The following TMEM87A variants were observed in gnomAD, a reference collection of about 807,000 sequenced individuals.
The protein encoded by TMEM87A is Golgi-pH regulating cation channel.
Under a neutral mutation model 90.0 loss-of-function variants are expected in TMEM87A, and 50 were observed. The observed-to-expected ratio is 0.56, with a 90% CI of 0.44 to 0.70. TMEM87A has a LOEUF of 0.70. TMEM87A is among the 30% of genes least tolerant of loss of function. TMEM87A has a pLI of 0.00. For synonymous variants in TMEM87A, 226 were observed against 226.7 expected (o/e 1.00, Z 0.03); for missense variants, 577 against 660.5 (o/e 0.87, Z 1.39).
chr15:42,268,999 A>G (rs1166849978), intron 2 of TMEM87A, among the ~76,000 whole-genome samples: 2 of 152,222 alleles, frequency 1.3e-5, no homozygotes, highest in Non-Finnish European at 2.9e-5. Flanking sequence ...AAAAGCAAAG[A>G]TAAGAGTATC....
At chr15:42,248,009 T>G (rs915258397) in intron 6 of TMEM87A, among the ~76,000 whole-genome samples, 74 of 152,120 alleles carry the variant, frequency 4.9e-4, no homozygotes, top group African/African-American at 1.7e-3. Flanking sequence ...CACATCCCTT[T>G]TAAATTGGAT....
At chr15:42,264,699 A>ATATATATATATAT (rs10681614) in intron 3 of TMEM87A, among the ~76,000 whole-genome samples, 10 of 109,422 alleles carry the variant, frequency 9.1e-5, no homozygotes, top group African/African-American at 2.8e-4. Context: ...ATATATATAT[A>ATATATATATATAT]TTTTTTTTTT....
intron 6 of TMEM87A, among the ~76,000 whole-genome samples, chr15:42,249,078 G>C (rs145028085): frequency 2.0e-5 from 3 of 152,306 alleles, no homozygotes; most frequent in African/African-American, 7.2e-5. Flanking sequence ...GTGTGGAGAT[G>C]TTTATAGTAT....
intron 19 of TMEM87A, among the ~76,000 whole-genome samples, chr15:42,217,215 A>G (rs1315496007): frequency 1.3e-5 from 2 of 152,142 alleles, no homozygotes; most frequent in African/African-American, 4.8e-5. Context: ...AGGCCTCCCA[A>G]AGTGCTGGGA....
At chr15:42,255,768 G>C (rs1024372891) in intron 6 of TMEM87A, among the ~76,000 whole-genome samples, 4 of 151,078 alleles carry the variant, frequency 2.6e-5, no homozygotes, top group African/African-American at 4.9e-5. Flanking sequence ...TAAACATATA[G>C]ATTTTTGTTT....
At position 42,217,606 on chromosome 15, in the gene TMEM87A, A is replaced by G. The variant is rs2140912095; in HGVS notation, c.1626+197T>C. On this transcript the variant is annotated intron_variant, in intron 19 of 19. Transcript: ENST00000389834. ...TAACTTTGAAAGGTGAAACATGTATAGACAGATGCAAAGAAAGGAAGATTC... is the reference window on the plus strand; with the variant it reads ...TAACTTTGAAAGGTGAAACATGTATGGACAGATGCAAAGAAAGGAAGATTC... Among the ~76,000 whole-genome samples the G allele has an allele frequency of 2.0e-5, 3 of 152,340 alleles. 1 individual carries two copies. The highest frequency in any genetic ancestry group is 2.0e-4 in the Admixed American group (3 of 15,308).
intron 6 of TMEM87A, among the ~76,000 whole-genome samples, chr15:42,248,723 G>A (rs2140959701): frequency 6.6e-6 from 1 of 152,226 alleles, no homozygotes; most frequent in South Asian, 2.1e-4. Flanking sequence ...ATGTTCATCG[G>A]GGATAGTGGT....
chr15:42,245,636 T>C (rs977156559), intron 6 of TMEM87A, among the ~76,000 whole-genome samples: 8 of 150,850 alleles, frequency 5.3e-5, no homozygotes, highest in African/African-American at 2.0e-4. Context: ...GCAATTCTCC[T>C]GCCTCAGCCT....
intron 7 of TMEM87A, among the ~76,000 whole-genome samples, chr15:42,243,102 T>TA (rs2050901926): frequency 1.3e-5 from 2 of 151,628 alleles, no homozygotes; most frequent in Non-Finnish European, 2.9e-5. Context: ...CCGTCTCCAC[T>TA]AAAAAATACA....
chr15:42,235,460 C>T (rs1444718963), intron 10 of TMEM87A, among the ~76,000 whole-genome samples: 2 of 152,208 alleles, frequency 1.3e-5, no homozygotes, highest in Non-Finnish European at 2.9e-5. Flanking sequence ...CCCTGCTCCA[C>T]ACTTATTTCA....
At chr15:42,269,293 G>A (rs2051465895) in intron 2 of TMEM87A, among the ~76,000 whole-genome samples, 1 of 152,132 alleles carries the variant, frequency 6.6e-6, no homozygotes. Flanking sequence ...AAACATGACT[G>A]CATTTAGGAA....
chr15:42,211,231 C>T lies in TMEM87A; in HGVS notation c.*477G>A, dbSNP rs2050280827. ...CAAAACAACCTCTGCAAGATGTAAC[C>T]TTGACTTCCCAGGAAAATGAAAGGT... On this transcript the variant is annotated 3_prime_UTR_variant, in exon 20 of 20. Coordinates refer to ENST00000389834, the MANE Select transcript of TMEM87A (RefSeq NM_015497.5). 6.6e-6 allele frequency: 1 copy of T among 152,482 alleles called. No homozygotes were observed. The highest frequency in any genetic ancestry group is 2.4e-5 in the African/African-American group (1 of 41,266). The allele number at this position is 152,482 out of a possible 1,614,324, so 9.4% of individuals were successfully genotyped here.
Position 42,216,508 on chromosome 15 carries a change from A to C in TMEM87A, c.1626+1295T>G, listed in dbSNP as rs369020164. On this transcript the variant is annotated intron_variant, in intron 19 of 19. Transcript: ENST00000389834. ...ACTATAGCAAACTTGCATTCCCATG[A>C]AGGGCACAATCAGGTTTCAATTAAT... Among the ~76,000 whole-genome samples the C allele has an allele frequency of 3.3e-5, 5 of 152,218 alleles. No homozygotes were observed. In the South Asian group the frequency reaches 1.0e-3, roughly 32 times the overall value.
chr15:42,217,892 T>C lies in TMEM87A; in HGVS notation c.1596-59A>G, dbSNP rs1555404387. 2.0e-5 allele frequency: 31 copies of C among 1,524,446 alleles called. No individual in the cohort carries two copies. In the South Asian group the frequency reaches 3.0e-4, roughly 15 times the overall value. The allele number at this position is 1,524,446 out of a possible 1,614,324, so 94.4% of individuals were successfully genotyped here. Reference sequence around the variant, plus strand: ...GTAAAATAAAGCCATAAATGGTTCATAAAAGACAATGGAATAATGCAATTA... The same window carrying C: ...GTAAAATAAAGCCATAAATGGTTCACAAAAGACAATGGAATAATGCAATTA... On this transcript the variant is annotated intron_variant, in intron 18 of 19. Coordinates refer to ENST00000389834, the MANE Select transcript of TMEM87A (RefSeq NM_015497.5).
intron 6 of TMEM87A, among the ~76,000 whole-genome samples, chr15:42,250,736 G>T (rs1212212107): frequency 6.6e-6 from 1 of 152,074 alleles, no homozygotes; most frequent in African/African-American, 2.4e-5. Context: ...TCTTCTTGAG[G>T]AGTATCTTTG....
chr15:42,257,186 T>G (rs2051200135), intron 6 of TMEM87A, among the ~76,000 whole-genome samples: 1 of 152,182 alleles, frequency 6.6e-6, no homozygotes, highest in African/African-American at 2.4e-5. Context: ...TGAAATTTGA[T>G]CCCCAATGTT....
rs751937373 is a variant in TMEM87A at position 42,273,392 on chromosome 15, C to T, written c.7G>A (p.Ala3Thr). Residue 3 changes from alanine to threonine, a missense_variant, in exon 1 of 20, where the codon GCG (alanine) becomes ACG (threonine). Coordinates refer to ENST00000389834, the MANE Select transcript of TMEM87A (RefSeq NM_015497.5). ...GGCAACACCTGAAGCCACGCAGCCGCCGCCATCTTCACAGCCGTGGAGTGC... is the reference window on the plus strand; with the variant it reads ...GGCAACACCTGAAGCCACGCAGCCGTCGCCATCTTCACAGCCGTGGAGTGC... MAAAAWLQVLPVI... is the reference protein window; with the variant it reads MATAAWLQVLPVI... 3.1e-6 allele frequency: 5 copies of T among 1,613,978 alleles called. No individual in the cohort carries two copies. The African/African-American group carries it at 5.3e-5, about 17-fold the overall frequency.
At chr15:42,214,167 C>T (rs1028320774) in intron 19 of TMEM87A, among the ~76,000 whole-genome samples, 1 of 152,016 alleles carries the variant, frequency 6.6e-6, no homozygotes, top group African/African-American at 2.4e-5. Flanking sequence ...AACAAGATTC[C>T]ATCAGTAATC....
At chr15:42,246,921 G>A (rs2050984514) in intron 6 of TMEM87A, among the ~76,000 whole-genome samples, 1 of 152,166 alleles carries the variant, frequency 6.6e-6, no homozygotes, top group Non-Finnish European at 1.5e-5. Flanking sequence ...CAGTGTAAAA[G>A]TGTTCCTATT....
Sources: allele counts gnomAD v4.1 joint callset (sites outside exome capture counted in the v4.1 genomes callset), GRCh38; gene constraint gnomAD v4.1.1; transcripts MANE v1.5; gene names NCBI Gene and HGNC (gene_info 2026-07-23, HGNC 2026-07-21).